PIK3AP1: variants seen among roughly 807,000 people sequenced by gnomAD.
The protein encoded by PIK3AP1 is phosphoinositide 3-kinase adapter protein 1.
PIK3AP1 carries 21 observed loss-of-function variants against 88.1 expected under a neutral mutation model. The observed-to-expected ratio is 0.24, with a 90% confidence interval of 0.17 to 0.34. The LOEUF (loss-of-function observed/expected upper bound fraction) is 0.34. Ranked by LOEUF, PIK3AP1 falls within the 10% of genes least tolerant of loss-of-function variation. The probability of loss-of-function intolerance (pLI) is 1.00; values close to 1 mark genes in which losing one functional copy is unlikely to be tolerated. For synonymous variants in PIK3AP1, 398 were observed against 400.0 expected (o/e 1.00, Z 0.06); for missense variants, 828 against 1,035.7 (o/e 0.80, Z 2.75).
At chr10:96,603,850 G>A in intron 15 of PIK3AP1, 129 bp downstream of exon 15, 1 of 872,930 alleles carries the variant, frequency 1.1e-6, no homozygotes, top group Admixed American at 3.2e-5. Flanking sequence ...TGCCCACTCT[G>A]GCATTTCATA....
chr10:96,599,872 C>T (rs1301169252), intron 16 of PIK3AP1, among the ~76,000 whole-genome samples: 1 of 152,140 alleles, frequency 6.6e-6, no homozygotes, highest in African/African-American at 2.4e-5. Context: ...CAACTTGCTT[C>T]CAGACTCCCC....
intron 2 of PIK3AP1, among the ~76,000 whole-genome samples, chr10:96,674,984 C>T (rs771260788): frequency 6.6e-6 from 1 of 152,208 alleles, no homozygotes; most frequent in Non-Finnish European, 1.5e-5. Context: ...CCTCCACCTC[C>T]TGGGTTCAAG....
chr10:96,710,622 A>G (rs985956625), intron 1 of PIK3AP1, among the ~76,000 whole-genome samples: 2 of 152,210 alleles, frequency 1.3e-5, no homozygotes, highest in South Asian at 4.1e-4. Context: ...AATAACAATA[A>G]TAATAAATAA....
intron 8 of PIK3AP1, among the ~76,000 whole-genome samples, chr10:96,644,939 C>T (rs183624313): frequency 4.6e-5 from 7 of 152,158 alleles, no homozygotes; most frequent in African/African-American, 4.8e-5. Context: ...AGACTGCAAA[C>T]GTGTCAGTCA....
chr10:96,698,515 AAAACTAAACT>A (rs1277546878), intron 2 of PIK3AP1, among the ~76,000 whole-genome samples: 1 of 151,982 alleles, frequency 6.6e-6, no homozygotes, highest in African/African-American at 2.4e-5. Flanking sequence ...AAACTAAACT[AAAACTAAACT>A]AAACCAAACT....
Position 96,595,264 on chromosome 10 carries a change from G to A in PIK3AP1, c.*313C>T, listed in dbSNP as rs1004782156. 2.3e-4 allele frequency: 83 copies of A among 358,260 alleles called. 3 individuals are homozygous for A. In the South Asian group the frequency reaches 3.5e-3, roughly 15 times the overall value. The allele number at this position is 358,260 out of a possible 1,614,324, so 22.2% of individuals were successfully genotyped here. ...AAAATCACTGGTGAAGTACATTTAT[G>A]ATCATTCTTTTTAGGCTTCTGATAT... On this transcript the variant is annotated 3_prime_UTR_variant, in exon 17 of 17. Coordinates refer to ENST00000339364, the MANE Select transcript of PIK3AP1 (RefSeq NM_152309.3).
rs1473752688 is a variant in PIK3AP1 at position 96,648,805 on chromosome 10, C to T, written c.1039G>A (p.Gly347Arg). 1 of 1,599,454 alleles carries T rather than the reference C, an allele frequency of 6.3e-7. No individual in the cohort carries two copies. Among genetic ancestry groups the T allele is most frequent in the South Asian group, 1.1e-5 (1 of 88,508 alleles). Residue 347 changes from glycine (G) to arginine (R), a missense_variant, in exon 7 of 17, where the codon GGA becomes AGA. This residue lies in a region of PIK3AP1 where 610 missense variants were observed against 760.1 expected (regional missense o/e 0.80). Transcript: ENST00000339364. ...PTLLHFAAKY[G>R]LKNLTALLLT... is the part of the protein sequence containing the mutation. ...AACAAGGCAGTGAGGTTCTTCAGTC[C>T]ATACTTCGCAGCAAAATGCAACAGG...
At chr10:96,603,858 A>AT in intron 15 of PIK3AP1, 121 bp downstream of exon 15, 1 of 940,782 alleles carries the variant, frequency 1.1e-6, no homozygotes, top group Non-Finnish European at 1.5e-6. Flanking sequence ...CTGGCATTTC[A>AT]TATAAATGGA....
chr10:96,675,931 T>A (rs1438078468), intron 2 of PIK3AP1, among the ~76,000 whole-genome samples: 1 of 152,230 alleles, frequency 6.6e-6, no homozygotes, highest in African/African-American at 2.4e-5. Context: ...ACGTGGGACA[T>A]GGCCTAAAAC....
chr10:96,720,050 A>G lies in PIK3AP1; in HGVS notation c.13+332T>C, dbSNP rs1228630159. ...CATCGCCCGCCCTCCGCTTCTCTCA[A>G]CTCGCCTCTCGCTTCAGAGTCGGAG... On this transcript the variant is annotated intron_variant, in intron 1 of 16. Coordinates refer to ENST00000339364, the MANE Select transcript of PIK3AP1 (RefSeq NM_152309.3). This position sits in a 1 kb window ranked among gnomAD's most constrained non-coding sequence, Gnocchi z 4.6. Among the ~76,000 whole-genome samples, 3 of 152,006 alleles carry G rather than the reference A, an allele frequency of 2.0e-5. No homozygotes were observed. Among genetic ancestry groups the G allele is most frequent in the South Asian group, 4.2e-4 (2 of 4,806 alleles).
rs539828384 is a variant in PIK3AP1, at chr10:96,651,744, G to A, written c.713-93C>T. 3,689 of 1,404,138 alleles carry A rather than the reference G, an allele frequency of 2.6e-3. 21 individuals are homozygous for A. The highest frequency in any genetic ancestry group is 0.014 in the South Asian group (1,076 of 75,234). 87.0% of individuals were successfully genotyped at this position (1,404,138 alleles called of 1,614,324 possible). ...GATATACACACTCCATCTGAGTGGT[G>A]AGGACACTAATTGGGGGCTGGAAGA... On this transcript the variant is annotated intron_variant, in intron 4 of 16. Coordinates refer to ENST00000339364, the MANE Select transcript of PIK3AP1 (RefSeq NM_152309.3).
chr10:96,680,014 C>T (rs1252827135), intron 2 of PIK3AP1, among the ~76,000 whole-genome samples: 1 of 152,124 alleles, frequency 6.6e-6, no homozygotes, highest in Non-Finnish European at 1.5e-5. Context: ...TCATGTCCAC[C>T]CTTCCTTCCT....
chr10:96,644,032 GCT>G (rs1843426473), intron 8 of PIK3AP1, among the ~76,000 whole-genome samples: 1 of 152,230 alleles, frequency 6.6e-6, no homozygotes, highest in South Asian at 2.1e-4. Flanking sequence ...TAGAGGGCCT[GCT>G]GTGTGGGTCT....
At position 96,603,692 on chromosome 10, in the gene PIK3AP1, A is replaced by G. The variant is rs929060289; in HGVS notation, c.2241+287T>C. The G allele has an allele frequency of 7.7e-5, 17 of 221,312 alleles. No individual in the cohort carries two copies. The Admixed American group carries it at 9.7e-4, about 13-fold the overall frequency. The allele number at this position is 221,312 out of a possible 1,614,324, so 13.7% of individuals were successfully genotyped here. A position where few individuals can be genotyped will look rare whatever the true frequency, so the allele number is the denominator to read the frequency against. ...TTAATACACACACACACACACACAC[A>G]CACACACACACACACACACCACATA... On this transcript the variant is annotated intron_variant, in intron 15 of 16. Coordinates refer to ENST00000339364, the MANE Select transcript of PIK3AP1 (RefSeq NM_152309.3).
intron 2 of PIK3AP1, among the ~76,000 whole-genome samples, 158 bp from the exon 3 acceptor site, chr10:96,657,092 G>A (rs982345746): frequency 6.6e-6 from 1 of 152,068 alleles, no homozygotes; most frequent in Non-Finnish European, 1.5e-5. Context: ...CATGAAAGGC[G>A]ACCTAATGAA....
chr10:96,629,729 A>AAG (rs1843212252), intron 8 of PIK3AP1, among the ~76,000 whole-genome samples: 1 of 146,760 alleles, frequency 6.8e-6, no homozygotes, highest in African/African-American at 2.5e-5. Flanking sequence ...AAAAAAAAAA[A>AAG]AAAAGACAGA....
rs149357195 is a variant in PIK3AP1 at position 96,704,405 on chromosome 10, C to T, written c.430+5162G>A. ...GTACCTGGACCAGCAGCATCAGCAT[C>T]ACCTGTGAGCTTGTTAGAAATGCAG... On this transcript the variant is annotated intron_variant, in intron 2 of 16. Transcript: ENST00000339364. 4.1e-3 allele frequency among the ~76,000 whole-genome samples: 626 copies of T among 152,292 alleles called. 3 individuals are homozygous for T. The highest frequency in any genetic ancestry group is 0.014 in the African/African-American group (594 of 41,576).
intron 3 of PIK3AP1, 71 bp downstream of exon 3, chr10:96,656,727 C>A: frequency 1.3e-6 from 2 of 1,579,340 alleles, no homozygotes; most frequent in South Asian, 1.1e-5. Flanking sequence ...ACTCTCTTTA[C>A]TGCAACAAAT....
intron 12 of PIK3AP1, chr10:96,619,423 G>A (rs1843046676): frequency 6.6e-6 from 1 of 152,370 alleles, no homozygotes. Flanking sequence ...TCTGATCTCT[G>A]AGGGTAAGCA....
Sources: allele counts gnomAD v4.1 joint callset (sites outside exome capture counted in the v4.1 genomes callset), GRCh38; gene constraint gnomAD v4.1.1; regional missense constraint gnomAD v4.1.1; non-coding constraint Gnocchi (gnomAD v3.1); transcripts MANE v1.5; gene names NCBI Gene and HGNC (gene_info 2026-07-23, HGNC 2026-07-21).